Variants in SNAP91 observed in about 807,000 individuals in gnomAD.
SNAP91 encodes the protein synaptosome associated protein 91.
In SNAP91, 27 loss-of-function variants were observed where a neutral mutation model predicts 100.3. The observed-to-expected ratio is 0.27, with a 90% CI of 0.20 to 0.37. The LOEUF is 0.37. Among genes scored for constraint, SNAP91 ranks in the 10% least tolerant of loss-of-function variants. SNAP91 has a pLI of 1.00. For missense variants in SNAP91, 986 were observed against 1,123.7 expected (o/e 0.88, Z 1.75); for synonymous variants, 404 against 398.6 (o/e 1.01, Z -0.16).
chr6:83,610,110 A>G (rs1479559085), intron 12 of SNAP91, among the ~76,000 whole-genome samples: 1 of 152,176 alleles, frequency 6.6e-6, no homozygotes, highest in Non-Finnish European at 1.5e-5. Flanking sequence ...TTCTGGGTAT[A>G]TACCCCCAAA....
intron 10 of SNAP91, among the ~76,000 whole-genome samples, chr6:83,615,600 T>C (rs558276179): frequency 6.6e-6 from 1 of 152,322 alleles, no homozygotes; most frequent in Admixed American, 6.5e-5. Flanking sequence ...AGGCAGAGCC[T>C]GGACTGTGGA....
chr6:83,633,870 C>T (rs1033537888), intron 8 of SNAP91, among the ~76,000 whole-genome samples: 2 of 151,774 alleles, frequency 1.3e-5, no homozygotes, highest in African/African-American at 4.8e-5. Flanking sequence ...CACAGATTCA[C>T]ACCCTCCCCC....
chr6:83,561,416 A>C (rs997433976), intron 26 of SNAP91, among the ~76,000 whole-genome samples: 3 of 152,252 alleles, frequency 2.0e-5, no homozygotes, highest in African/African-American at 7.2e-5. Flanking sequence ...GTGGATATGT[A>C]AAGAAAATCT....
intron 9 of SNAP91, among the ~76,000 whole-genome samples, chr6:83,619,729 A>G (rs1285201617): frequency 1.3e-5 from 2 of 152,240 alleles, no homozygotes; most frequent in Non-Finnish European, 2.9e-5. Context: ...ATAAATGAAG[A>G]TATTTACATT....
intron 2 of SNAP91, among the ~76,000 whole-genome samples, chr6:83,670,244 C>CT (rs34522653): frequency 0.022 from 3,107 of 140,720 alleles, 68 homozygotes; most frequent in African/African-American, 0.063. Context: ...TGATATGGTC[C>CT]TTTTTTTTTT....
chr6:83,568,144 A>G (rs1584348532), intron 26 of SNAP91, among the ~76,000 whole-genome samples: 2 of 152,170 alleles, frequency 1.3e-5, no homozygotes, highest in South Asian at 4.1e-4. Flanking sequence ...GCACATATAC[A>G]CCATGGACTA....
In SNAP91 at chr6:83,593,230, C is replaced by T. The variant is rs2094027654; in HGVS notation, c.1726G>A (p.Ala576Thr). Residue 576 changes from alanine to threonine, a missense_variant, in exon 19 of 30, where the codon GCA (alanine) becomes ACA (threonine). Ala to Thr is a moderately conservative substitution (Grantham distance 58). Around this residue, in one of 4 missense-constraint regions of SNAP91, gnomAD observed 575 missense variants for 579.9 expected, o/e 0.99. Transcript: ENST00000369694. ...GGAGCAGCATCTGGCTTAGGCGCTGCAGCAACTTCAGGAGTGGACTCAAAT... is the reference window on the plus strand; with the variant it reads ...GGAGCAGCATCTGGCTTAGGCGCTGTAGCAACTTCAGGAGTGGACTCAAAT... ...DLFESTPEVAAAPKPDAAPSI... is the reference protein window; with the variant it reads ...DLFESTPEVATAPKPDAAPSI... The T allele has an allele frequency of 1.9e-6, 3 of 1,595,572 alleles. No individual in the cohort carries two copies. In the East Asian group the frequency reaches 6.8e-5, roughly 36 times the overall value.
chr6:83,578,383 A>G (rs1822830981), intron 24 of SNAP91, among the ~76,000 whole-genome samples: 1 of 152,098 alleles, frequency 6.6e-6, no homozygotes, highest in Non-Finnish European at 1.5e-5. Context: ...TACTGGTTAT[A>G]TGTCTTTTTA....
At chr6:83,605,549 C>G in intron 14 of SNAP91, 136 bp downstream of exon 14, 2 of 1,139,992 alleles carry the variant, frequency 1.8e-6, no homozygotes, top group East Asian at 2.6e-5. Flanking sequence ...CAATAAATGC[C>G]ATTCTTAACA....
Position 83,560,885 on chromosome 6 carries a change from T to C in SNAP91, c.2505A>G (p.Gln835=), listed in dbSNP as rs774529930. Residue 835 remains glutamine (Q), a synonymous_variant, in exon 27 of 30, where the codon CAA becomes CAG. Coordinates refer to ENST00000369694, the MANE Select transcript of SNAP91 (RefSeq NM_001242792.2). ...PPVAGAPSVG[Q]PGAGFGMPPA... The stretch of plus-strand genomic sequence containing the variant: ...TCACCATTCCAAATCCTGCTCCAGG[T>C]TGTCCAACCGATGGGGCCCCGGCAA... 3.7e-6 allele frequency: 6 copies of C among 1,613,706 alleles called. No homozygotes were observed. Among genetic ancestry groups the C allele is most frequent in the Non-Finnish European group, 5.1e-6 (6 of 1,179,822 alleles).
At position 83,582,371 on chromosome 6, in the gene SNAP91, C is replaced by CA. The variant is rs1194112152; in HGVS notation, c.2015-16dup. On this transcript the variant is annotated splice_polypyrimidine_tract_variant and intron_variant, in intron 22 of 29. Transcript: ENST00000369694. Reference sequence around the variant, plus strand: ...ACCCCCAAATCCTGAAAAAAAGTTCCAAAAAAACAAGCAGAAATAACATAA... The same window carrying CA: ...ACCCCCAAATCCTGAAAAAAAGTTCCAAAAAAAACAAGCAGAAATAACATAA... The CA allele has an allele frequency of 3.8e-6, 6 of 1,597,312 alleles. No individual in the cohort carries two copies. Among genetic ancestry groups the CA allele is most frequent in the Admixed American group, 1.7e-5 (1 of 58,230 alleles).
chr6:83,654,737 T>C (rs947089359), intron 7 of SNAP91, among the ~76,000 whole-genome samples: 1 of 152,178 alleles, frequency 6.6e-6, no homozygotes, highest in Non-Finnish European at 1.5e-5. Context: ...GCATATTTGT[T>C]TTATGAAAAG....
intron 9 of SNAP91, among the ~76,000 whole-genome samples, chr6:83,622,651 A>G (rs185252590): frequency 2.0e-5 from 3 of 152,206 alleles, no homozygotes; most frequent in South Asian, 2.1e-4. Flanking sequence ...GAGAAAGGTT[A>G]TACTATACCC....
chr6:83,569,800 C>A (rs1803340575), intron 26 of SNAP91, among the ~76,000 whole-genome samples: 2 of 152,188 alleles, frequency 1.3e-5, no homozygotes, highest in Non-Finnish European at 1.5e-5. Context: ...TTTCCCCAAA[C>A]AAGCGCTCTC....
chr6:83,686,098 T>A lies in SNAP91; in HGVS notation c.131-20517A>T, dbSNP rs180815477. 3 of 908,354 alleles carry A rather than the reference T, an allele frequency of 3.3e-6. No individual in the cohort carries two copies. The South Asian group carries it at 1.5e-4, about 46-fold the overall frequency. The allele number at this position is 908,354 out of a possible 1,614,324, so 56.3% of individuals were successfully genotyped here. On this transcript the variant is annotated intron_variant, in intron 2 of 29. Transcript: ENST00000369694. ...ACAGTAGACACTGATTAAATGTTTGTTGTGAACCTGGAACATACTCTGCTT... is the reference window on the plus strand; with the variant it reads ...ACAGTAGACACTGATTAAATGTTTGATGTGAACCTGGAACATACTCTGCTT...
rs149909532 is a variant in SNAP91, at chr6:83,701,868, A to G, written c.130+5930T>C. Reference sequence around the variant, plus strand: ...GGACAAATGAAGAGATGGCAGAAAAACAGCTAGAAAGACTGTGGGCTTCAG... The same window carrying G: ...GGACAAATGAAGAGATGGCAGAAAAGCAGCTAGAAAGACTGTGGGCTTCAG... On this transcript the variant is annotated intron_variant, in intron 2 of 29. Coordinates refer to ENST00000369694, the MANE Select transcript of SNAP91 (RefSeq NM_001242792.2). Among the ~76,000 whole-genome samples, 662 of 152,330 alleles carry G rather than the reference A, an allele frequency of 4.3e-3. 4 individuals are homozygous for G. The highest frequency in any genetic ancestry group is 0.015 in the African/African-American group (613 of 41,566).
At chr6:83,586,051 T>C (rs2092537460) in intron 22 of SNAP91, among the ~76,000 whole-genome samples, 1 of 152,118 alleles carries the variant, frequency 6.6e-6, no homozygotes, top group African/African-American at 2.4e-5. Context: ...GGTTTCACCA[T>C]GTTGGCCAGG....
chr6:83,641,797 T>C (rs1264097471), intron 7 of SNAP91, among the ~76,000 whole-genome samples: 1 of 152,202 alleles, frequency 6.6e-6, no homozygotes, highest in Non-Finnish European at 1.5e-5. Flanking sequence ...TTCATGACTT[T>C]CTAGTCTATT....
chr6:83,692,869 C>CTAGT (rs1317410434), intron 2 of SNAP91, among the ~76,000 whole-genome samples: 1 of 152,178 alleles, frequency 6.6e-6, no homozygotes, highest in Non-Finnish European at 1.5e-5. Context: ...CTTTACCCAT[C>CTAGT]TAGTTAATTA....
Sources: gnomAD v4.1 joint callset for allele counts (sites outside exome capture counted in the v4.1 genomes callset) on GRCh38, gnomAD v4.1.1 for gene constraint, gnomAD v4.1.1 regional missense constraint, MANE v1.5 for transcripts, NCBI Gene and HGNC (gene_info 2026-07-23, HGNC 2026-07-21) for gene names.